The following FBXL17 variants were observed in gnomAD, a reference collection of about 807,000 sequenced individuals.
The protein encoded by FBXL17 is F-box and leucine rich repeat protein 17.
FBXL17 carries 22 observed loss-of-function variants against 66.2 expected under a neutral mutation model. That is an observed-to-expected ratio of 0.33 (90% CI 0.24 to 0.47). The LOEUF (loss-of-function observed/expected upper bound fraction) is 0.47. Among genes scored for constraint, FBXL17 ranks in the 20% least tolerant of loss-of-function variants. FBXL17 has a pLI of 1.00. For synonymous variants in FBXL17, 474 were observed against 400.5 expected (o/e 1.18, Z -2.19); for missense variants, 878 against 948.2 (o/e 0.93, Z 0.97).
At chr5:107,976,678 T>C (rs1752591986) in intron 7 of FBXL17, among the ~76,000 whole-genome samples, 1 of 152,212 alleles carries the variant, frequency 6.6e-6, no homozygotes, top group Non-Finnish European at 1.5e-5. Flanking sequence ...ATTTCATTTT[T>C]TAAAAATGCT....
At chr5:107,871,102 A>C (rs1748442345) in intron 8 of FBXL17, among the ~76,000 whole-genome samples, 1 of 149,606 alleles carries the variant, frequency 6.7e-6, no homozygotes, top group East Asian at 2.0e-4. Flanking sequence ...ATCTCAAAGT[A>C]TACAGTAAGA....
intron 4 of FBXL17, among the ~76,000 whole-genome samples, chr5:108,286,273 T>C (rs1757897122): frequency 6.6e-6 from 1 of 151,924 alleles, no homozygotes; most frequent in Non-Finnish European, 1.5e-5. Context: ...TTCAACATAG[T>C]ACTGGAAGTC....
intron 7 of FBXL17, among the ~76,000 whole-genome samples, chr5:108,009,259 T>TTTTA (rs1462421451): frequency 9.9e-5 from 1 of 10,088 alleles, no homozygotes; most frequent in African/African-American, 2.8e-4. Flanking sequence ...TTGTTCCCTG[T>TTTTA]TTTATATATA....
chr5:107,952,340 T>C (rs1751523894), intron 7 of FBXL17, among the ~76,000 whole-genome samples: 1 of 152,234 alleles, frequency 6.6e-6, no homozygotes, highest in Non-Finnish European at 1.5e-5. Context: ...TATTAGGTGC[T>C]GGCAATTTTC....
rs1749880658 is a variant in FBXL17, at chr5:108,381,207, G to A, written c.485C>T (p.Ala162Val). The change falls in exon 1 of 9, where the codon GCC (alanine) becomes GTC (valine). Residue 162 changes from alanine to valine, a missense_variant. Ala to Val is a moderately conservative substitution (Grantham distance 64). Transcript: ENST00000542267. Reference sequence around the variant, plus strand: ...CAGGAAGCGCACCGGCCCCAAGCTGGCCAGGAAGAGACTTCGGCCCTGCTG... The same window carrying A: ...CAGGAAGCGCACCGGCCCCAAGCTGACCAGGAAGAGACTTCGGCCCTGCTG... Reference protein sequence around the residue: ...WEQQGRSLFLASLGPVRFLGP... With the variant: ...WEQQGRSLFLVSLGPVRFLGP... The A allele has an allele frequency of 6.2e-6, 9 of 1,446,666 alleles. No individual in the cohort carries two copies. The highest frequency in any genetic ancestry group is 8.2e-6 in the Non-Finnish European group (9 of 1,101,538). The allele number at this position is 1,446,666 out of a possible 1,614,324, so 89.6% of individuals were successfully genotyped here.
intron 4 of FBXL17, among the ~76,000 whole-genome samples, chr5:108,225,770 A>G (rs1054791933): frequency 6.6e-6 from 1 of 152,192 alleles, no homozygotes; most frequent in Non-Finnish European, 1.5e-5. Flanking sequence ...TTGATCTCAT[A>G]GTAATCAAGG....
At chr5:107,992,529 C>T (rs1386504341) in intron 7 of FBXL17, among the ~76,000 whole-genome samples, 1 of 152,084 alleles carries the variant, frequency 6.6e-6, no homozygotes. Context: ...CAGATTTTCC[C>T]CTTTGTCCTT....
At chr5:107,975,592 A>G (rs1378880470) in intron 7 of FBXL17, among the ~76,000 whole-genome samples, 2 of 152,104 alleles carry the variant, frequency 1.3e-5, no homozygotes, top group Admixed American at 6.5e-5. Context: ...TATTATATTA[A>G]AAAGTACCTG....
Position 108,376,759 on chromosome 5 carries a change from T to A in FBXL17, c.993+3940A>T, listed in dbSNP as rs1400532034. ...AAAATTTGTTGTTAAAAACTGGACA[T>A]TTTGGATAACATAGCCAGTGTATAT... is the stretch of plus-strand genomic sequence containing the variant. On this transcript the variant is annotated intron_variant, in intron 1 of 8. Transcript: ENST00000542267. Among the ~76,000 whole-genome samples, 8 of 151,752 alleles carry A rather than the reference T, an allele frequency of 5.3e-5. No individual in the cohort carries two copies. In the East Asian group the frequency reaches 1.6e-3, roughly 30 times the overall value.
intron 5 of FBXL17, among the ~76,000 whole-genome samples, chr5:108,200,281 T>C (rs984939858): frequency 2.6e-5 from 4 of 151,928 alleles, no homozygotes; most frequent in Non-Finnish European, 4.4e-5. Flanking sequence ...AGAATATATA[T>C]AGAGAAGAGC....
chr5:108,086,115 TAG>T (rs1003260056), intron 6 of FBXL17, among the ~76,000 whole-genome samples: 2 of 152,042 alleles, frequency 1.3e-5, no homozygotes, highest in African/African-American at 4.8e-5. Flanking sequence ...CGTAAAAACC[TAG>T]AGAGGTCACA....
At chr5:108,137,745 A>G (rs1214697649) in intron 6 of FBXL17, among the ~76,000 whole-genome samples, 2 of 152,172 alleles carry the variant, frequency 1.3e-5, no homozygotes, top group Admixed American at 6.5e-5. Context: ...TAAATGATCT[A>G]ACAGGACCAC....
rs3039988 is a variant in FBXL17, at chr5:107,992,088, TTGTGTGTGTG to T, written c.1822+28827_1822+28836del. 1.9e-4 allele frequency among the ~76,000 whole-genome samples: 29 copies of T among 149,238 alleles called. No individual in the cohort carries two copies. In the East Asian group the frequency reaches 3.4e-3, roughly 17 times the overall value. On this transcript the variant is annotated intron_variant, in intron 7 of 8. Transcript: ENST00000542267. ...TACATGCACACACATATCATATTAA[TTGTGTGTGTG>T]TGTGTGTGTGTGTGTGTGTGTAAAA...
chr5:107,991,245 G>A (rs1392140244), intron 7 of FBXL17, among the ~76,000 whole-genome samples: 1 of 152,230 alleles, frequency 6.6e-6, no homozygotes, highest in Non-Finnish European at 1.5e-5. Context: ...TCGCTTAGAT[G>A]TTGAGAAGTT....
At chr5:108,053,287 A>C (rs1345207115) in intron 6 of FBXL17, among the ~76,000 whole-genome samples, 2 of 152,212 alleles carry the variant, frequency 1.3e-5, no homozygotes, top group South Asian at 2.1e-4. Flanking sequence ...AAATTTTTGC[A>C]ATCTACCCAA....
intron 7 of FBXL17, among the ~76,000 whole-genome samples, chr5:107,977,426 C>A (rs572674121): frequency 6.6e-6 from 1 of 152,272 alleles, no homozygotes; most frequent in African/African-American, 2.4e-5. Context: ...GGTATTATTA[C>A]TCCTACTTTA....
chr5:108,169,154 T>G (rs1161163376), intron 6 of FBXL17, among the ~76,000 whole-genome samples: 1 of 152,160 alleles, frequency 6.6e-6, no homozygotes, highest in Non-Finnish European at 1.5e-5. Context: ...TACAGATGGA[T>G]GGCTGCCAAG....
intron 5 of FBXL17, among the ~76,000 whole-genome samples, chr5:108,212,812 C>G (rs1314865375): frequency 6.6e-6 from 1 of 152,218 alleles, no homozygotes; most frequent in South Asian, 2.1e-4. Context: ...CTTGAAGAGG[C>G]AGTCTGATCC....
intron 4 of FBXL17, among the ~76,000 whole-genome samples, chr5:108,338,655 G>A (rs752473715): frequency 3.3e-5 from 5 of 152,000 alleles, no homozygotes; most frequent in African/African-American, 1.2e-4. Flanking sequence ...AAGAGAAGAA[G>A]GGTTGGGAAA....
Sources: allele counts gnomAD v4.1 joint callset (sites outside exome capture counted in the v4.1 genomes callset), GRCh38; gene constraint gnomAD v4.1.1; transcripts MANE v1.5; gene names NCBI Gene and HGNC (gene_info 2026-07-23, HGNC 2026-07-21).